Variants in TSC22D1 observed in about 807,000 individuals in gnomAD.
The protein encoded by TSC22D1 is TSC22 domain family member 1.
In TSC22D1, 9 loss-of-function variants were observed where a neutral mutation model predicts 74.2. The ratio of observed to expected loss-of-function variants is 0.12; its 90% CI spans 0.07 to 0.21. The LOEUF is 0.21. Ranked by LOEUF, TSC22D1 falls within the 10% of genes least tolerant of loss-of-function variation. TSC22D1 has a pLI of 1.00. For synonymous variants in TSC22D1, 586 were observed against 492.5 expected (o/e 1.19, Z -2.51); for missense variants, 1,427 against 1,304.7 (o/e 1.09, Z -1.44).
At chr13:44,563,826 T>C (rs1242523446) in intron 1 of TSC22D1, among the ~76,000 whole-genome samples, 2 of 152,244 alleles carry the variant, frequency 1.3e-5, no homozygotes, top group Non-Finnish European at 2.9e-5. Context: ...CCAAAACTTG[T>C]TCCTTCATAG....
rs1883981964 is a variant in TSC22D1 at position 44,573,961 on chromosome 13, G to A, written c.2114C>T (p.Pro705Leu). 2 of 1,614,120 alleles carry A rather than the reference G, an allele frequency of 1.2e-6. No homozygotes were observed. The highest frequency in any genetic ancestry group is 1.7e-6 in the Non-Finnish European group (2 of 1,180,046). ...PVQPTAVPAQPAGASVQPVGQ... is the reference protein window; with the variant it reads ...PVQPTAVPAQLAGASVQPVGQ... Reference sequence around the variant, plus strand: ...AACAGGCTGGACAGATGCCCCTGCAGGTTGTGCTGGGACTGCTGTGGGCTG... The same window carrying A: ...AACAGGCTGGACAGATGCCCCTGCAAGTTGTGCTGGGACTGCTGTGGGCTG... Residue 705 changes from proline (P) to leucine (L), a missense_variant, in exon 1 of 3, where the codon CCT becomes CTT. Transcript: ENST00000458659.
chr13:44,469,230 G>T (rs540198234), intron 1 of TSC22D1, among the ~76,000 whole-genome samples: 1 of 151,864 alleles, frequency 6.6e-6, no homozygotes, highest in African/African-American at 2.4e-5. Flanking sequence ...AGTACCCACC[G>T]CCTACCCATC....
intron 1 of TSC22D1, among the ~76,000 whole-genome samples, chr13:44,526,077 G>C (rs1229056033): frequency 6.6e-6 from 1 of 152,070 alleles, no homozygotes; most frequent in Non-Finnish European, 1.5e-5. Flanking sequence ...ACTCCAGCCT[G>C]GATAACAGAG....
intron 1 of TSC22D1, among the ~76,000 whole-genome samples, chr13:44,457,929 A>G (rs1249125931): frequency 2.0e-5 from 3 of 152,236 alleles, no homozygotes; most frequent in African/African-American, 4.8e-5. Context: ...ATAGTTATCT[A>G]TTACACATAC....
At chr13:44,563,960 C>A (rs9533911) in intron 1 of TSC22D1, among the ~76,000 whole-genome samples, 24,955 of 152,094 alleles carry the variant, frequency 0.16, 2,545 homozygotes, top group African/African-American at 0.29. Flanking sequence ...TACATATCTT[C>A]TTATAATATT....
In TSC22D1 at chr13:44,573,939, AGGCTGGACAGATGCCCCT is replaced by A; in HGVS notation, c.2118_2135del (p.Gly707_Pro712del). 1 of 1,614,164 alleles carries A rather than the reference AGGCTGGACAGATGCCCCT, an allele frequency of 6.2e-7. No individual in the cohort carries two copies. The highest frequency in any genetic ancestry group is 8.5e-7 in the Non-Finnish European group (1 of 1,180,040). On this transcript the variant is annotated inframe_deletion, in exon 1 of 3. Transcript: ENST00000458659. ...ACACTGCTGCCGGAGCCTGGCCAAC[AGGCTGGACAGATGCCCCT>A]GCAGGTTGTGCTGGGACTGCTGTGG... is the stretch of plus-strand genomic sequence containing the variant.
At position 44,551,752 on chromosome 13, in the gene TSC22D1, T is replaced by C. The variant is rs116120072; in HGVS notation, c.2912+21411A>G. ...AGCTGGTATTTTAAAGATTTTGACA[T>C]AGGCTGGGTACAGTGGTTCAGACCT... On this transcript the variant is annotated intron_variant, in intron 1 of 2. Coordinates refer to ENST00000458659, the MANE Select transcript of TSC22D1 (RefSeq NM_183422.4). 4.5e-3 allele frequency among the ~76,000 whole-genome samples: 676 copies of C among 151,704 alleles called. 4 individuals carry two copies. The highest frequency in any genetic ancestry group is 0.015 in the African/African-American group (639 of 41,456).
At chr13:44,436,411 A>G in intron 1 of TSC22D1, 1 of 1,453,320 alleles carries the variant, frequency 6.9e-7, no homozygotes, top group Non-Finnish European at 9.4e-7. Flanking sequence ...TCTCTCAGCA[A>G]TGGACAAAGG....
intron 1 of TSC22D1, chr13:44,436,866 C>T (rs1429404641): frequency 1.6e-6 from 2 of 1,233,510 alleles, no homozygotes; most frequent in Non-Finnish European, 2.0e-6. Context: ...GACCAGGACT[C>T]CCAGTCTTAG....
intron 1 of TSC22D1, among the ~76,000 whole-genome samples, chr13:44,509,974 T>TAAAAAAAAAAAAAAAAAAAAAAAA: frequency 1.2e-5 from 1 of 82,304 alleles, no homozygotes; most frequent in Non-Finnish European, 2.6e-5. Context: ...AAAAAAAAGC[T>TAAAAAAAAAAAAAAAAAAAAAAAA]AAAAAAAAAA....
rs928826539 is a variant in TSC22D1 at position 44,574,926 on chromosome 13, A to G, written c.1149T>C (p.Asn383=). Residue 383 remains asparagine, a synonymous_variant, in exon 1 of 3, where the codon AAT becomes AAC. Transcript: ENST00000458659. Reference sequence around the variant, plus strand: ...ATCCCCCAGTCATCCCTGCAGCTGCATTAGGAACACTGCTAACAGCAGCAG... The same window carrying G: ...ATCCCCCAGTCATCCCTGCAGCTGCGTTAGGAACACTGCTAACAGCAGCAG... ...SSSAAVSSVP[N]AAAGMTGGSV... 6.2e-7 allele frequency: 1 copy of G among 1,614,006 alleles called. No individual in the cohort carries two copies. Among genetic ancestry groups the G allele is most frequent in the African/African-American group, 1.3e-5 (1 of 74,920 alleles).
chr13:44,524,166 A>C (rs1880443993), intron 1 of TSC22D1, among the ~76,000 whole-genome samples: 1 of 152,178 alleles, frequency 6.6e-6, no homozygotes, highest in Admixed American at 6.5e-5. Context: ...GCCTACTTCT[A>C]AGTCGTGGGA....
chr13:44,558,177 A>G (rs942678436), intron 1 of TSC22D1, among the ~76,000 whole-genome samples: 14 of 152,190 alleles, frequency 9.2e-5, no homozygotes, highest in Non-Finnish European at 4.4e-5. Context: ...TCAATGGACA[A>G]AAGAAACCTC....
At chr13:44,569,098 G>A (rs969449912) in intron 1 of TSC22D1, among the ~76,000 whole-genome samples, 8 of 151,986 alleles carry the variant, frequency 5.3e-5, no homozygotes, top group African/African-American at 1.9e-4. Context: ...ACCTACATAG[G>A]GCATGTGAGT....
At chr13:44,525,362 G>A (rs1880499276) in intron 1 of TSC22D1, among the ~76,000 whole-genome samples, 1 of 152,178 alleles carries the variant, frequency 6.6e-6, no homozygotes, top group African/African-American at 2.4e-5. Context: ...CGAGGCAGGA[G>A]GATCACTTGA....
intron 1 of TSC22D1, among the ~76,000 whole-genome samples, chr13:44,511,363 C>G (rs1220481075): frequency 6.6e-6 from 1 of 152,014 alleles, no homozygotes; most frequent in East Asian, 1.9e-4. Flanking sequence ...TATAGCTGAG[C>G]TCATGTCACA....
chr13:44,551,399 T>G lies in TSC22D1; in HGVS notation c.2912+21764A>C, dbSNP rs1232945978. On this transcript the variant is annotated intron_variant, in intron 1 of 2. Transcript: ENST00000458659. ...AACCCCAATCAGATGGGTGTGTGTGTGTGTGTGTGTGTGTGTGTGTGTGTG... is the reference window on the plus strand; with the variant it reads ...AACCCCAATCAGATGGGTGTGTGTGGGTGTGTGTGTGTGTGTGTGTGTGTG... Among the ~76,000 whole-genome samples, 70 of 146,054 alleles carry G rather than the reference T, an allele frequency of 4.8e-4. 1 individual carries two copies. The highest frequency in any genetic ancestry group is 3.9e-3 in the East Asian group (19 of 4,866).
chr13:44,482,672 G>A (rs1291262445), intron 1 of TSC22D1, among the ~76,000 whole-genome samples: 2 of 152,142 alleles, frequency 1.3e-5, no homozygotes, highest in Admixed American at 1.3e-4. Flanking sequence ...TACTCTAAAT[G>A]ATATGCAGAA....
At chr13:44,491,592 C>T (rs1249063294) in intron 1 of TSC22D1, among the ~76,000 whole-genome samples, 3 of 151,100 alleles carry the variant, frequency 2.0e-5, no homozygotes. Context: ...GATTAGTATC[C>T]AGAATACATA....
Sources: allele counts gnomAD v4.1 joint callset (sites outside exome capture counted in the v4.1 genomes callset), GRCh38; gene constraint gnomAD v4.1.1; transcripts MANE v1.5; gene names NCBI Gene and HGNC (gene_info 2026-07-23, HGNC 2026-07-21).